FILIP1L: variants seen among roughly 807,000 people sequenced by gnomAD.
The protein encoded by FILIP1L is filamin A-interacting protein 1-like.
FILIP1L carries 55 observed loss-of-function variants against 96.6 expected under a neutral mutation model. The observed-to-expected ratio is 0.57, with a 90% CI of 0.46 to 0.71. FILIP1L has a LOEUF of 0.71. Ranked by LOEUF, FILIP1L falls within the 30% of genes least tolerant of loss-of-function variation. FILIP1L has a pLI of 0.00. For synonymous variants in FILIP1L, 467 were observed against 473.9 expected, an observed-to-expected ratio of 0.99 and a Z score of 0.19; for missense variants, 1,304 against 1,321.2, an observed-to-expected ratio of 0.99 and a Z score of 0.20.
intron 1 of FILIP1L, among the ~76,000 whole-genome samples, chr3:100,046,511 A>G (rs1301139285): frequency 6.6e-6 from 1 of 151,940 alleles, no homozygotes; most frequent in Non-Finnish European, 1.5e-5. Context: ...TACAGAGATT[A>G]TAAATCTAGA....
intron 1 of FILIP1L, among the ~76,000 whole-genome samples, chr3:100,090,825 A>G (rs2066090880): frequency 6.6e-6 from 1 of 152,176 alleles, no homozygotes; most frequent in African/African-American, 2.4e-5. Flanking sequence ...CCTCAGGAAT[A>G]TGGTATCTCC....
intron 1 of FILIP1L, among the ~76,000 whole-genome samples, chr3:100,061,099 CCTTTA>C (rs1448963655): frequency 2.0e-5 from 3 of 151,406 alleles, no homozygotes; most frequent in African/African-American, 4.9e-5. Context: ...TAGAAGTTGA[CCTTTA>C]CTTCTAATCA....
chr3:99,843,000 A>G (rs1943203006), intron 5 of FILIP1L, among the ~76,000 whole-genome samples: 1 of 152,206 alleles, frequency 6.6e-6, no homozygotes, highest in Admixed American at 6.5e-5. Flanking sequence ...ACCTTGAGGA[A>G]TGGAAAGGGT....
At position 99,929,906 on chromosome 3, in the gene FILIP1L, CT is replaced by C; in HGVS notation, c.375del (p.Ala126ArgfsTer15). On this transcript the variant is annotated frameshift_variant, in exon 3 of 6. Coordinates refer to ENST00000477258, the MANE Select transcript of FILIP1L (RefSeq NM_001387850.1). LOFTEE classifies it high-confidence loss of function. ...TCCTCCTGCCAAGGGGTAGATTTCG[CT>C]TGAAAAGCATCTCTCTGGAGAGCCT... ...VLEALQRDAFQAKSTPWQEDI... is the reference protein window; with the variant it reads ...VLEALQRDAFXAKSTPWQEDI... 1 of 1,613,540 alleles carries C rather than the reference CT, an allele frequency of 6.2e-7. No individual in the cohort carries two copies. Among genetic ancestry groups the C allele is most frequent in the South Asian group, 1.1e-5 (1 of 91,018 alleles).
At position 99,947,007 on chromosome 3, in the gene FILIP1L, G is replaced by A. The variant is rs56233341; in HGVS notation, c.-10-15977C>T. On this transcript the variant is annotated intron_variant, in intron 1 of 5. Coordinates refer to ENST00000477258, the MANE Select transcript of FILIP1L (RefSeq NM_001387850.1). ...CAAAAATTAGCGGGGCGTGGTGGCA[G>A]GCACCTGTAATCCCAGATACTCGGG... is the stretch of plus-strand genomic sequence containing the variant. 1.7e-3 allele frequency among the ~76,000 whole-genome samples: 265 copies of A among 151,998 alleles called. 1 individual carries two copies. The highest frequency in any genetic ancestry group is 5.9e-3 in the African/African-American group (246 of 41,462).
intron 1 of FILIP1L, among the ~76,000 whole-genome samples, chr3:99,946,716 GCTACATCTGGAGGC>G (rs1708018937): frequency 6.6e-6 from 1 of 152,170 alleles, no homozygotes; most frequent in South Asian, 2.1e-4. Context: ...CGTGGTGGTG[GCTACATCTGGAGGC>G]CTGAATCCAC....
At chr3:99,976,085 A>G (rs931199944) in intron 1 of FILIP1L, among the ~76,000 whole-genome samples, 1 of 152,036 alleles carries the variant, frequency 6.6e-6, no homozygotes, top group East Asian at 1.9e-4. Context: ...AGGTTTCGCC[A>G]TGTTTTCCAG....
chr3:99,921,156 C>T (rs1490482077), intron 4 of FILIP1L, among the ~76,000 whole-genome samples: 5 of 152,078 alleles, frequency 3.3e-5, no homozygotes, highest in Non-Finnish European at 1.5e-5. Flanking sequence ...CAGCTGTGTC[C>T]TTGAGAGAAA....
chr3:99,896,104 A>G (rs75957915), intron 4 of FILIP1L, among the ~76,000 whole-genome samples: 45 of 148,528 alleles, frequency 3.0e-4, no homozygotes, highest in Non-Finnish European at 3.7e-4. Flanking sequence ...AAACTTTTAG[A>G]AAAAAAAAAG....
chr3:100,064,943 G>A (rs2065638381), intron 1 of FILIP1L, among the ~76,000 whole-genome samples: 1 of 152,184 alleles, frequency 6.6e-6, no homozygotes, highest in Non-Finnish European at 1.5e-5. Context: ...CCTATGCAAT[G>A]TATATCTACT....
intron 1 of FILIP1L, chr3:100,025,603 A>G (rs1427112532): frequency 6.6e-6 from 1 of 152,164 alleles, no homozygotes; most frequent in Non-Finnish European, 1.5e-5. Flanking sequence ...TTTAGCTCTG[A>G]GCTTCCTGGT....
chr3:99,886,568 G>T (rs1383316329), intron 4 of FILIP1L, among the ~76,000 whole-genome samples: 1 of 152,086 alleles, frequency 6.6e-6, no homozygotes, highest in Non-Finnish European at 1.5e-5. Flanking sequence ...GATTTTGGGG[G>T]GGTAGATAGA....
chr3:100,054,044 G>A (rs2065419825), intron 1 of FILIP1L, among the ~76,000 whole-genome samples: 1 of 152,200 alleles, frequency 6.6e-6, no homozygotes, highest in Non-Finnish European at 1.5e-5. Context: ...GCTTTGAAGA[G>A]CTACATTATT....
At chr3:99,962,332 C>T (rs1708517661) in intron 1 of FILIP1L, among the ~76,000 whole-genome samples, 1 of 152,000 alleles carries the variant, frequency 6.6e-6, no homozygotes, top group South Asian at 2.1e-4. Context: ...GATGGGCAGT[C>T]CTCATCAGGA....
Position 99,906,913 on chromosome 3 carries a change from T to C in FILIP1L, c.605+17317A>G, listed in dbSNP as rs150335809. Among the ~76,000 whole-genome samples, 124 of 152,348 alleles carry C rather than the reference T, an allele frequency of 8.1e-4. 2 individuals carry two copies. The East Asian group carries it at 0.024, about 29-fold the overall frequency. On this transcript the variant is annotated intron_variant, in intron 4 of 5. Transcript: ENST00000477258. ...ACAGAGATATGGTAGAGTTTCAGTATTGATCATGTGGATGAAGACAACTCT... is the reference window on the plus strand; with the variant it reads ...ACAGAGATATGGTAGAGTTTCAGTACTGATCATGTGGATGAAGACAACTCT...
chr3:99,864,075 T>C (rs1944391623), intron 4 of FILIP1L, among the ~76,000 whole-genome samples: 2 of 152,236 alleles, frequency 1.3e-5, no homozygotes, highest in African/African-American at 4.8e-5. Flanking sequence ...GGAATTAATA[T>C]GTAGGAGGTA....
chr3:99,964,038 C>G (rs1285832757), intron 1 of FILIP1L, among the ~76,000 whole-genome samples: 2 of 151,886 alleles, frequency 1.3e-5, no homozygotes, highest in African/African-American at 4.8e-5. Flanking sequence ...ATCTTCAAGC[C>G]CATGTTTGAA....
At chr3:99,874,021 G>C (rs76949517) in intron 4 of FILIP1L, among the ~76,000 whole-genome samples, 2 of 152,348 alleles carry the variant, frequency 1.3e-5, no homozygotes, top group Non-Finnish European at 2.9e-5. Context: ...CCCAGTGTGA[G>C]ATAGGGTATC....
intron 1 of FILIP1L, among the ~76,000 whole-genome samples, chr3:99,978,260 G>T (rs910130537): frequency 3.3e-5 from 5 of 152,082 alleles, no homozygotes; most frequent in African/African-American, 9.7e-5. Flanking sequence ...TTAAAAAAAT[G>T]AATCCAGCAA....
Sources: allele counts gnomAD v4.1 joint callset (sites outside exome capture counted in the v4.1 genomes callset), GRCh38; gene constraint gnomAD v4.1.1; transcripts MANE v1.5; gene names NCBI Gene and HGNC (gene_info 2026-07-23, HGNC 2026-07-21).